PPP3R1: variants seen among roughly 807,000 people sequenced by gnomAD.
PPP3R1 encodes the protein protein phosphatase 3 regulatory subunit B, alpha, also known as calcineurin subunit B type 1.
A neutral mutation model predicts 22.6 loss-of-function variants in PPP3R1; 5 were observed. The observed-to-expected ratio is 0.22, with a 90% CI of 0.12 to 0.46. PPP3R1 has a LOEUF of 0.46. PPP3R1 is among the 20% of genes least tolerant of loss of function. The probability of loss-of-function intolerance (pLI) is 0.99; values close to 1 mark genes in which losing one functional copy is unlikely to be tolerated. For missense variants in PPP3R1, 61 were observed against 203.2 expected (o/e 0.30, Z 4.25); for synonymous variants, 56 against 65.2 (o/e 0.86, Z 0.68).
intron 2 of PPP3R1, among the ~76,000 whole-genome samples, chr2:68,206,174 G>C (rs1171724828): frequency 6.6e-6 from 1 of 152,076 alleles, no homozygotes; most frequent in Non-Finnish European, 1.5e-5. Flanking sequence ...GGTACATGCA[G>C]GATCAAAATC....
chr2:68,183,312 G>T (rs1285605072), intron 5 of PPP3R1, among the ~76,000 whole-genome samples: 2 of 152,144 alleles, frequency 1.3e-5, no homozygotes, highest in Admixed American at 6.5e-5. Flanking sequence ...TATGACTCCT[G>T]GTTGTTTATA....
intron 5 of PPP3R1, among the ~76,000 whole-genome samples, chr2:68,183,371 A>G (rs534482645): frequency 1.3e-5 from 2 of 152,296 alleles, no homozygotes; most frequent in South Asian, 4.1e-4. Flanking sequence ...CTCTTTGGAA[A>G]TCTGCAGAAC....
At chr2:68,203,908 T>C (rs1168576502) in intron 2 of PPP3R1, among the ~76,000 whole-genome samples, 1 of 152,218 alleles carries the variant, frequency 6.6e-6, no homozygotes, top group African/African-American at 2.4e-5. Context: ...CAAGCTCTTC[T>C]TAGGGGACCT....
chr2:68,214,110 C>G (rs1669534343), intron 2 of PPP3R1, among the ~76,000 whole-genome samples: 1 of 152,044 alleles, frequency 6.6e-6, no homozygotes, highest in Non-Finnish European at 1.5e-5. Flanking sequence ...GAAATTGGAC[C>G]CCCTTCCTTA....
chr2:68,198,981 T>A (rs1042981881), intron 2 of PPP3R1, among the ~76,000 whole-genome samples: 1 of 152,016 alleles, frequency 6.6e-6, no homozygotes, highest in Non-Finnish European at 1.5e-5. Context: ...ATTATTTTTT[T>A]AAGATGGAGT....
intron 2 of PPP3R1, among the ~76,000 whole-genome samples, chr2:68,203,889 A>G (rs768323736): frequency 6.6e-6 from 1 of 152,240 alleles, no homozygotes; most frequent in Non-Finnish European, 1.5e-5. Context: ...AGGTTCCTTC[A>G]GAGTCTGCCA....
intron 2 of PPP3R1, among the ~76,000 whole-genome samples, chr2:68,194,495 A>G (rs1160970682): frequency 3.2e-4 from 49 of 152,118 alleles, no homozygotes; most frequent in Admixed American, 3.2e-3. Flanking sequence ...TAGAAATAGA[A>G]GGTTACATAT....
intron 2 of PPP3R1, among the ~76,000 whole-genome samples, chr2:68,197,315 T>C (rs1392717519): frequency 6.6e-6 from 1 of 152,202 alleles, no homozygotes; most frequent in Non-Finnish European, 1.5e-5. Flanking sequence ...TATCTTCTTT[T>C]ACTCACCAAG....
intron 2 of PPP3R1, among the ~76,000 whole-genome samples, chr2:68,195,592 T>C (rs1674751119): frequency 6.6e-6 from 1 of 152,148 alleles, no homozygotes; most frequent in South Asian, 2.1e-4. Context: ...TTGGCATCCA[T>C]CAGCAGGTCC....
chr2:68,199,758 T>G (rs1339548269), intron 2 of PPP3R1, among the ~76,000 whole-genome samples: 1 of 152,236 alleles, frequency 6.6e-6, no homozygotes, highest in Non-Finnish European at 1.5e-5. Context: ...AATTTTTGAA[T>G]GTTAAAATTG....
intron 2 of PPP3R1, among the ~76,000 whole-genome samples, chr2:68,208,409 C>T (rs1052252273): frequency 3.3e-5 from 5 of 152,176 alleles, no homozygotes; most frequent in African/African-American, 7.2e-5. Flanking sequence ...TGCAATTACT[C>T]AACTCTGCCA....
chr2:68,230,007 CACACAT>C (rs1669863400), intron 1 of PPP3R1, among the ~76,000 whole-genome samples: 1 of 129,506 alleles, frequency 7.7e-6, no homozygotes, highest in African/African-American at 3.1e-5. Flanking sequence ...CACACACACA[CACACAT>C]ATATATTTGG....
intron 1 of PPP3R1, among the ~76,000 whole-genome samples, chr2:68,233,256 T>C (rs1669953354): frequency 6.6e-6 from 1 of 152,238 alleles, no homozygotes; most frequent in Non-Finnish European, 1.5e-5. Flanking sequence ...AGCACTTGCA[T>C]GTTTTGTTTA....
At chr2:68,186,336 A>T in intron 5 of PPP3R1, 132 bp downstream of exon 5, 2 of 804,782 alleles carry the variant, frequency 2.5e-6, no homozygotes. Context: ...CACATTTCAA[A>T]ACAATACGGG....
At chr2:68,231,467 G>A (rs980930578) in intron 1 of PPP3R1, among the ~76,000 whole-genome samples, 1 of 145,740 alleles carries the variant, frequency 6.9e-6, no homozygotes, top group Admixed American at 7.0e-5. Flanking sequence ...GTGAATAATA[G>A]ATTTTATTAG....
At chr2:68,232,153 A>ACATATTG (rs1669921740) in intron 1 of PPP3R1, among the ~76,000 whole-genome samples, 1 of 132,740 alleles carries the variant, frequency 7.5e-6, no homozygotes, top group Non-Finnish European at 1.6e-5. Context: ...ATATGTATAT[A>ACATATTG]TATATACATA....
chr2:68,222,529 A>G lies in PPP3R1; in HGVS notation c.4-5398T>C, dbSNP rs191990542. On this transcript the variant is annotated intron_variant, in intron 1 of 5. Coordinates refer to ENST00000234310, the MANE Select transcript of PPP3R1 (RefSeq NM_000945.4). ...ATAGAACAAAAAGGCAGAAGATTGA[A>G]TTAGTTCTCTGCCTCACTGCCTGAG... Among the ~76,000 whole-genome samples the G allele has an allele frequency of 2.1e-4, 32 of 152,352 alleles. No homozygotes were observed. In the Middle Eastern group the frequency reaches 0.01, roughly 49 times the overall value.
intron 1 of PPP3R1, among the ~76,000 whole-genome samples, chr2:68,231,638 C>T (rs116818032): frequency 4.1e-4 from 63 of 152,198 alleles, no homozygotes; most frequent in African/African-American, 1.5e-3. Flanking sequence ...ATTTAAAATA[C>T]GTGTAGTTAT....
intron 2 of PPP3R1, among the ~76,000 whole-genome samples, chr2:68,212,522 T>G (rs1558635505): frequency 6.6e-6 from 1 of 152,256 alleles, no homozygotes; most frequent in Admixed American, 6.5e-5. Context: ...GGCTACAGAA[T>G]GGATGTCGTG....
Sources: gnomAD v4.1 joint callset for allele counts (sites outside exome capture counted in the v4.1 genomes callset) on GRCh38, gnomAD v4.1.1 for gene constraint, MANE v1.5 for transcripts, NCBI Gene and HGNC (gene_info 2026-07-23, HGNC 2026-07-21) for gene names.